Variants in CFAP20DC observed in about 807,000 individuals in gnomAD.
CFAP20DC encodes the protein CFAP20 domain containing, also known as protein CFAP20DC.
In CFAP20DC, 84 loss-of-function variants were observed where a neutral mutation model predicts 101.7. The observed-to-expected ratio is 0.83, with a 90% CI of 0.69 to 0.99. CFAP20DC has a LOEUF of 0.99. CFAP20DC is among the 50% of genes least tolerant of loss of function. CFAP20DC has a pLI of 0.00. For missense variants in CFAP20DC, 1,007 were observed against 970.3 expected, an observed-to-expected ratio of 1.04 and a Z score of -0.50; for synonymous variants, 359 against 351.2, an observed-to-expected ratio of 1.02 and a Z score of -0.25.
At chr3:58,756,241 A>G (rs2068945655) in intron 15 of CFAP20DC, among the ~76,000 whole-genome samples, 1 of 152,072 alleles carries the variant, frequency 6.6e-6, no homozygotes, top group African/African-American at 2.4e-5. Flanking sequence ...ACAGTGAGGA[A>G]ACTGGCCCTC....
intron 4 of CFAP20DC, among the ~76,000 whole-genome samples, chr3:58,993,902 AAT>A (rs1160177685): frequency 6.6e-6 from 1 of 152,154 alleles, no homozygotes; most frequent in Non-Finnish European, 1.5e-5. Context: ...TACATGTGCA[AAT>A]ATGTTTGTGA....
At chr3:58,937,218 C>T (rs1436615242) in intron 5 of CFAP20DC, among the ~76,000 whole-genome samples, 4 of 152,302 alleles carry the variant, frequency 2.6e-5, no homozygotes, top group Non-Finnish European at 4.4e-5. Context: ...CACTGTTCTC[C>T]GGAGGTTACC....
chr3:58,980,807 G>A (rs1004671614), intron 4 of CFAP20DC, among the ~76,000 whole-genome samples: 2 of 152,180 alleles, frequency 1.3e-5, no homozygotes, highest in African/African-American at 4.8e-5. Context: ...AGACAGGGAT[G>A]CCCTCTCTCA....
intron 14 of CFAP20DC, among the ~76,000 whole-genome samples, chr3:58,816,544 A>T (rs1371248197): frequency 1.2e-4 from 18 of 152,148 alleles, no homozygotes; most frequent in African/African-American, 4.3e-4. Flanking sequence ...GCATCTGGAA[A>T]ATCGGGTGAC....
chr3:58,939,349 G>A (rs532335714), intron 4 of CFAP20DC, among the ~76,000 whole-genome samples: 3 of 152,190 alleles, frequency 2.0e-5, no homozygotes, highest in African/African-American at 4.8e-5. Context: ...TTCTAGAAAG[G>A]AAAAGGGAAC....
intron 15 of CFAP20DC, among the ~76,000 whole-genome samples, chr3:58,787,059 G>T (rs567227699): frequency 8.6e-5 from 13 of 151,460 alleles, no homozygotes; most frequent in Non-Finnish European, 1.6e-4. Flanking sequence ...TACAAAGAAA[G>T]AATATTATTT....
chr3:58,927,341 G>A (rs1044871556), intron 5 of CFAP20DC, among the ~76,000 whole-genome samples: 4 of 152,050 alleles, frequency 2.6e-5, no homozygotes, highest in African/African-American at 4.8e-5. Flanking sequence ...TGGACCATTC[G>A]GCAATTATCC....
intron 13 of CFAP20DC, among the ~76,000 whole-genome samples, chr3:58,842,730 G>C (rs1470033052): frequency 5.9e-5 from 9 of 152,250 alleles, no homozygotes; most frequent in Non-Finnish European, 1.3e-4. Flanking sequence ...CAAACAAAAA[G>C]ACAGCAGTAA....
At chr3:59,000,968 G>C (rs1238854784) in intron 4 of CFAP20DC, among the ~76,000 whole-genome samples, 2 of 151,886 alleles carry the variant, frequency 1.3e-5, no homozygotes, top group Admixed American at 1.3e-4. Flanking sequence ...AACTTGATAG[G>C]GGGAAAAAGG....
At chr3:58,939,203 C>T (rs2088146493) in intron 4 of CFAP20DC, among the ~76,000 whole-genome samples, 1 of 152,094 alleles carries the variant, frequency 6.6e-6, no homozygotes, top group African/African-American at 2.4e-5. Context: ...ATAAATGCCC[C>T]TATATGGCAG....
intron 5 of CFAP20DC, among the ~76,000 whole-genome samples, chr3:58,934,540 C>T (rs920695923): frequency 7.5e-4 from 114 of 152,040 alleles, no homozygotes; most frequent in Non-Finnish European, 1.3e-3. Context: ...ACTGGCAAAC[C>T]GAATCCAGCA....
chr3:58,867,904 G>C lies in CFAP20DC; in HGVS notation c.1048C>G (p.Pro350Ala). 6.2e-7 allele frequency: 1 copy of C among 1,613,060 alleles called. No individual in the cohort carries two copies. Residue 350 changes from proline (P) to alanine (A), a missense_variant, in exon 10 of 17, where the codon CCT (proline) becomes GCT (alanine). Coordinates refer to ENST00000482387, the MANE Select transcript of CFAP20DC (RefSeq NM_001394063.1). ...TTCTTATCTGCTGATGGTTCTTGAG[G>C]GGGATGCGGATGCATAATATGTAGA... Reference protein sequence around the residue: ...ANLHIMHPHPPQEPSADKNNN... With the variant: ...ANLHIMHPHPAQEPSADKNNN...
chr3:58,778,511 C>T (rs551760679), intron 15 of CFAP20DC, among the ~76,000 whole-genome samples: 2 of 152,318 alleles, frequency 1.3e-5, no homozygotes, highest in Admixed American at 6.5e-5. Flanking sequence ...CCAGTGTGGA[C>T]CACTTGGGTC....
chr3:59,032,795 C>A (rs2094021815), intron 4 of CFAP20DC, among the ~76,000 whole-genome samples: 1 of 152,156 alleles, frequency 6.6e-6, no homozygotes, highest in Non-Finnish European at 1.5e-5. Context: ...AACGTTCCTG[C>A]CTGCTGGCTC....
rs1199214864 is a variant in CFAP20DC, at chr3:58,899,081, G to C, written c.551-14372C>G. On this transcript the variant is annotated intron_variant, in intron 6 of 16. Transcript: ENST00000482387. The surrounding 1 kb of genome is among the most constrained non-coding windows in gnomAD (Gnocchi z 5.0). ...TTCCTCTGGAATCTCCATCCCAGGG[G>C]GGTACTGACCTGTTGCCAGCCTGAA... is the stretch of plus-strand genomic sequence containing the variant. Among the ~76,000 whole-genome samples, 2 of 152,136 alleles carry C rather than the reference G, an allele frequency of 1.3e-5. No homozygotes were observed. The highest frequency in any genetic ancestry group is 3.9e-4 in the East Asian group (2 of 5,178).
chr3:59,013,202 G>A (rs1164119477), intron 4 of CFAP20DC, among the ~76,000 whole-genome samples: 3 of 152,176 alleles, frequency 2.0e-5, no homozygotes, highest in African/African-American at 4.8e-5. Flanking sequence ...AGGGCTCTAG[G>A]AAGGTGAGTC....
chr3:58,932,358 T>C (rs1048855934), intron 5 of CFAP20DC, among the ~76,000 whole-genome samples: 2 of 152,124 alleles, frequency 1.3e-5, no homozygotes, highest in African/African-American at 2.4e-5. Flanking sequence ...TGCAGGATAT[T>C]ATCCAGGAGA....
At chr3:58,873,713 G>T (rs1240876421) in intron 7 of CFAP20DC, among the ~76,000 whole-genome samples, 1 of 151,972 alleles carries the variant, frequency 6.6e-6, no homozygotes, top group Non-Finnish European at 1.5e-5. Flanking sequence ...TAGAAGTCTG[G>T]ATAGCTATTC....
At chr3:58,749,927 T>C (rs1451009876) in intron 16 of CFAP20DC, among the ~76,000 whole-genome samples, 3 of 152,180 alleles carry the variant, frequency 2.0e-5, no homozygotes. Context: ...TAGTAAGTGT[T>C]AAGGGCACCA....
Sources: gnomAD v4.1 joint callset for allele counts (sites outside exome capture counted in the v4.1 genomes callset) on GRCh38, gnomAD v4.1.1 for gene constraint, Gnocchi (gnomAD v3.1) non-coding constraint, MANE v1.5 for transcripts, NCBI Gene and HGNC (gene_info 2026-07-23, HGNC 2026-07-21) for gene names.